The following RAB9B variants were observed in gnomAD, a reference collection of about 807,000 sequenced individuals.
RAB9B encodes the protein RAB9B, member RAS oncogene family.
Under a neutral mutation model 8.9 loss-of-function variants are expected in RAB9B, and 1 was observed. The ratio of observed to expected loss-of-function variants is 0.11; its 90% confidence interval spans 0.04 to 0.53. The LOEUF is 0.53. RAB9B is among the 20% of genes least tolerant of loss of function. The pLI is 0.93. For missense variants in RAB9B, 82 were observed against 152.9 expected (o/e 0.54, Z 2.45); for synonymous variants, 63 against 57.0 (o/e 1.10, Z -0.47).
chrX:103,802,863 C>T, the RAB9B span, among the ~76,000 whole-genome samples: 1 of 110,783 alleles, frequency 9.0e-6, no homozygotes, highest in Non-Finnish European at 1.9e-5. Context: ...ATCACTAATC[C>T]ACCTTCTGTC....
chrX:103,785,565 C>T, the RAB9B span: 14 of 1,202,074 alleles, frequency 1.2e-5, no homozygotes, highest in Non-Finnish European at 1.6e-5. Flanking sequence ...TGACTGTTTC[C>T]CCTTCTTCTT....
Position 103,825,666 on chromosome X carries a change from A to G in RAB9B, c.119T>C (p.Ile40Thr). Residue 40 changes from isoleucine to threonine, a missense_variant, in exon 3 of 3, where the codon ATA (isoleucine) becomes ACA (threonine). By Grantham distance (89) the Ile-to-Thr change is moderately conservative. Coordinates refer to ENST00000243298, the MANE Select transcript of RAB9B (RefSeq NM_016370.4). ...NKFDSQAFHT[I>T]GVEFLNRDLE... is the part of the protein sequence containing the mutation. ...ATCTCGATTTAAGAACTCTACCCCT[A>G]TGGTGTGAAAAGCCTGGGAGTCAAA... 8.3e-7 allele frequency: 1 copy of G among 1,210,816 alleles called. No individual in the cohort carries two copies. The highest frequency in any genetic ancestry group is 1.1e-6 in the Non-Finnish European group (1 of 894,917).
At chrX:103,793,306 G>A in the RAB9B span, among the ~76,000 whole-genome samples, 8 of 112,083 alleles carry the variant, frequency 7.1e-5, no homozygotes, top group Non-Finnish European at 1.5e-4. Flanking sequence ...CTGATGACCA[G>A]CTTAAAGAAA....
At chrX:103,804,713 A>AT in the RAB9B span, among the ~76,000 whole-genome samples, 1 of 111,560 alleles carries the variant, frequency 9.0e-6, no homozygotes, top group Non-Finnish European at 1.9e-5. Context: ...AAGTTTTGTC[A>AT]TTTTCTGTGT....
the RAB9B span, among the ~76,000 whole-genome samples, chrX:103,816,070 G>A: frequency 9.0e-6 from 1 of 111,498 alleles, no homozygotes; most frequent in Non-Finnish European, 1.9e-5. Flanking sequence ...CACAGAGTTG[G>A]AAAAAACTAC....
the RAB9B span, among the ~76,000 whole-genome samples, chrX:103,811,326 G>A: frequency 9.8e-5 from 11 of 111,743 alleles, no homozygotes; most frequent in Non-Finnish European, 1.5e-4. Flanking sequence ...CCATTCCAGG[G>A]AAATAGAATA....
chrX:103,828,853 C>T (rs920094805), intron 1 of RAB9B, among the ~76,000 whole-genome samples: 11 of 111,993 alleles, frequency 9.8e-5, no homozygotes, highest in African/African-American at 3.6e-4. Context: ...GGTTCAGTGT[C>T]AAGAGCACTG....
the RAB9B span, chrX:103,777,037 G>A: frequency 2.6e-6 from 3 of 1,153,715 alleles, no homozygotes; most frequent in Admixed American, 4.4e-5. Flanking sequence ...GATTCAAGAG[G>A]ACACAGGAAT....
chrX:103,821,759 C>T (rs1234257223), downstream of RAB9B, among the ~76,000 whole-genome samples: 1 of 111,477 alleles, frequency 9.0e-6, no homozygotes, highest in East Asian at 2.8e-4. Flanking sequence ...ATTTTTTATG[C>T]AACGTTGTTT....
chrX:103,809,654 G>A, the RAB9B span, among the ~76,000 whole-genome samples: 3 of 111,905 alleles, frequency 2.7e-5, no homozygotes, highest in Non-Finnish European at 5.6e-5. Context: ...TGCTGCCTGA[G>A]CTGACTAAGA....
the RAB9B span, among the ~76,000 whole-genome samples, chrX:103,783,312 C>T: frequency 8.9e-6 from 1 of 112,717 alleles, no homozygotes; most frequent in Non-Finnish European, 1.9e-5. Context: ...AAAGTTCATG[C>T]TGAGTAAACT....
chrX:103,778,549 G>C, the RAB9B span, among the ~76,000 whole-genome samples: 116 of 111,256 alleles, frequency 1.0e-3, no homozygotes, highest in South Asian at 0.043. Flanking sequence ...CTTCCTCAGG[G>C]GATGAAATCC....
At chrX:103,798,448 G>A in the RAB9B span, among the ~76,000 whole-genome samples, 64 of 111,473 alleles carry the variant, frequency 5.7e-4, 1 homozygote, top group Non-Finnish European at 1.0e-3. Context: ...CCCTTGGCTC[G>A]AATGGATGTT....
At chrX:103,818,929 G>A (rs925936592), downstream of RAB9B, among the ~76,000 whole-genome samples, 2 of 110,519 alleles carry the variant, frequency 1.8e-5, no homozygotes, top group African/African-American at 3.3e-5. Flanking sequence ...AGCATTTATC[G>A]GTCACTCTAA....
At chrX:103,814,975 T>C in the RAB9B span, among the ~76,000 whole-genome samples, 22,701 of 110,947 alleles carry the variant, frequency 0.2, 1,963 homozygotes, top group Non-Finnish European at 0.27. Flanking sequence ...AGTCCAGGAC[T>C]AGATGGATTC....
chrX:103,826,370 C>T (rs1422018076), intron 2 of RAB9B, among the ~76,000 whole-genome samples: 1 of 111,579 alleles, frequency 9.0e-6, no homozygotes, highest in African/African-American at 3.3e-5. Flanking sequence ...AGGCATTTAC[C>T]CCATTATACT....
chrX:103,781,524 T>C, the RAB9B span, among the ~76,000 whole-genome samples: 80 of 112,336 alleles, frequency 7.1e-4, no homozygotes, highest in Non-Finnish European at 1.4e-3. Flanking sequence ...TATAGGTAGC[T>C]TTAGATTTTG....
the RAB9B span, among the ~76,000 whole-genome samples, chrX:103,809,643 T>C: frequency 8.9e-6 from 1 of 111,969 alleles, no homozygotes; most frequent in Non-Finnish European, 1.9e-5. Flanking sequence ...ATATTTTTTA[T>C]TGCTGCCTGA....
chrX:103,821,223 C>G (rs763674753), downstream of RAB9B, among the ~76,000 whole-genome samples: 2 of 110,584 alleles, frequency 1.8e-5, no homozygotes, highest in South Asian at 3.9e-4. Context: ...GCTTATAAAT[C>G]TATGACTTTC....
Sources: allele counts gnomAD v4.1 joint callset (sites outside exome capture counted in the v4.1 genomes callset), GRCh38; gene constraint gnomAD v4.1.1; transcripts MANE v1.5; gene names NCBI Gene and HGNC (gene_info 2026-07-23, HGNC 2026-07-21).